Variants in COL8A1 observed in about 807,000 individuals in gnomAD.
COL8A1 encodes the protein collagen alpha-1(VIII) chain.
COL8A1 carries 21 observed loss-of-function variants against 42.7 expected under a neutral mutation model. That is an observed-to-expected ratio of 0.49 (90% CI 0.35 to 0.71). The LOEUF (loss-of-function observed/expected upper bound fraction) is 0.71, where lower values mean the gene tolerates loss of function less well. Among genes scored for constraint, COL8A1 ranks in the 30% least tolerant of loss-of-function variants. The pLI is 0.01. For missense variants in COL8A1, 788 were observed against 962.4 expected, an observed-to-expected ratio of 0.82 and a Z score of 2.40; for synonymous variants, 367 against 369.1, an observed-to-expected ratio of 0.99 and a Z score of 0.06.
At position 99,679,664 on chromosome 3, in the gene COL8A1, C is replaced by T. The variant is rs368305375; in HGVS notation, c.-129+41000C>T. On this transcript the variant is annotated intron_variant, in intron 1 of 3. Coordinates refer to ENST00000652472, the MANE Select transcript of COL8A1 (RefSeq NM_020351.4). ...TTAACCTCTCTAAGTTTGCTTGCCT[C>T]ATCTGTCAAACAAGAGAGATGAGAT... 3.9e-5 allele frequency: 6 copies of T among 152,300 alleles called. No individual in the cohort carries two copies. In the East Asian group the frequency reaches 1.2e-3, roughly 29 times the overall value. 9.4% of individuals were successfully genotyped at this position (152,300 alleles called of 1,614,324 possible).
At chr3:99,776,016 C>A (rs2107442849) in intron 2 of COL8A1, among the ~76,000 whole-genome samples, 1 of 152,262 alleles carries the variant, frequency 6.6e-6, no homozygotes, top group East Asian at 1.9e-4. Flanking sequence ...CACAGCAGAC[C>A]TATGGAGGAG....
At chr3:99,738,117 T>A (rs1940786864) in intron 1 of COL8A1, among the ~76,000 whole-genome samples, 1 of 152,154 alleles carries the variant, frequency 6.6e-6, no homozygotes, top group Non-Finnish European at 1.5e-5. Context: ...TATTCTAGTT[T>A]TACATTCTTC....
rs549069059 is a variant in COL8A1 at position 99,798,002 on chromosome 3, G to A, written c.*1866G>A. 2.0e-5 allele frequency: 3 copies of A among 152,196 alleles called. No homozygotes were observed. The highest frequency in any genetic ancestry group is 7.2e-5 in the African/African-American group (3 of 41,524). The allele number at this position is 152,196 out of a possible 1,614,324, so 9.4% of individuals were successfully genotyped here. ...AGCAATAATGTGGGGTTATGGTGGT[G>A]GAATCTTGTATATTTTTGTCAAAAA... On this transcript the variant is annotated 3_prime_UTR_variant, in exon 4 of 4. Coordinates refer to ENST00000652472, the MANE Select transcript of COL8A1 (RefSeq NM_020351.4).
In COL8A1 at chr3:99,788,183, G is replaced by A. The variant is rs1576477167; in HGVS notation, c.-3-2497G>A. Among the ~76,000 whole-genome samples, 3 of 152,200 alleles carry A rather than the reference G, an allele frequency of 2.0e-5. No homozygotes were observed. The South Asian group carries it at 6.2e-4, about 32-fold the overall frequency. ...TAAGTAAAGCAGTAAATTCTAACCA[G>A]GGCCCTTATATAAATATTCACGTTA... On this transcript the variant is annotated intron_variant, in intron 2 of 3. Coordinates refer to ENST00000652472, the MANE Select transcript of COL8A1 (RefSeq NM_020351.4).
intron 1 of COL8A1, among the ~76,000 whole-genome samples, chr3:99,645,901 G>A (rs1403862593): frequency 6.6e-6 from 1 of 152,144 alleles, no homozygotes; most frequent in African/African-American, 2.4e-5. Context: ...CCTGGCAGCT[G>A]GGGGTCAGTG....
At chr3:99,670,969 T>C (rs1381893424) in intron 1 of COL8A1, among the ~76,000 whole-genome samples, 1 of 151,912 alleles carries the variant, frequency 6.6e-6, no homozygotes, top group African/African-American at 2.4e-5. Flanking sequence ...TGTGTGTTTG[T>C]GTGTGTGAAT....
intron 1 of COL8A1, among the ~76,000 whole-genome samples, chr3:99,743,951 C>T (rs1360460050): frequency 3.5e-5 from 5 of 142,834 alleles, no homozygotes; most frequent in Non-Finnish European, 6.0e-5. Context: ...TTTTTTGAGA[C>T]GTAGTCTCAC....
At chr3:99,764,488 C>T (rs1305722556) in intron 2 of COL8A1, among the ~76,000 whole-genome samples, 2 of 152,068 alleles carry the variant, frequency 1.3e-5, no homozygotes, top group Admixed American at 1.3e-4. Flanking sequence ...ATTCAAAGTT[C>T]CCATTCAAAC....
At chr3:99,787,875 C>CA (rs1553682940) in intron 2 of COL8A1, among the ~76,000 whole-genome samples, 3,818 of 82,800 alleles carry the variant, frequency 0.046, 59 homozygotes, top group Non-Finnish European at 0.069. Context: ...CACACACACA[C>CA]CCACACCCAC....
chr3:99,733,975 C>T (rs528726987), intron 1 of COL8A1, among the ~76,000 whole-genome samples: 3,993 of 151,844 alleles, frequency 0.026, 166 homozygotes, highest in African/African-American at 0.088. Flanking sequence ...TCATGTCCTT[C>T]GCCCACTTTT....
Position 99,690,397 on chromosome 3 carries a change from G to C in COL8A1, c.-129+51733G>C, listed in dbSNP as rs190139309. 7.2e-5 allele frequency among the ~76,000 whole-genome samples: 11 copies of C among 152,268 alleles called. 1 individual carries two copies. The East Asian group carries it at 2.1e-3, about 29-fold the overall frequency. The stretch of plus-strand genomic sequence containing the variant: ...TAAGGAATGTATTTTGGGAAATCCT[G>C]ATCTATCTAGATTAGAAAAAATTTT... On this transcript the variant is annotated intron_variant, in intron 1 of 3. Coordinates refer to ENST00000652472, the MANE Select transcript of COL8A1 (RefSeq NM_020351.4).
intron 1 of COL8A1, among the ~76,000 whole-genome samples, chr3:99,686,339 A>C (rs1327140559): frequency 6.6e-6 from 1 of 152,250 alleles, no homozygotes; most frequent in Non-Finnish European, 1.5e-5. Flanking sequence ...AAGAAAAGAG[A>C]ACAATAAAGT....
intron 1 of COL8A1, among the ~76,000 whole-genome samples, chr3:99,714,440 G>A (rs1401058071): frequency 1.3e-5 from 2 of 152,086 alleles, no homozygotes; most frequent in African/African-American, 4.8e-5. Flanking sequence ...GACTCATGGA[G>A]CTCTTGATTT....
chr3:99,737,188 T>G (rs538405785), intron 1 of COL8A1, among the ~76,000 whole-genome samples: 2 of 152,234 alleles, frequency 1.3e-5, no homozygotes, highest in Non-Finnish European at 2.9e-5. Context: ...CTTTATCCAG[T>G]TTGCCAGTCT....
chr3:99,675,844 T>C (rs562506453), intron 1 of COL8A1: 1 of 152,506 alleles, frequency 6.6e-6, no homozygotes, highest in East Asian at 1.9e-4. Flanking sequence ...TACTCACACA[T>C]TAGTGTGAGC....
chr3:99,686,869 G>T lies in COL8A1; in HGVS notation c.-129+48205G>T, dbSNP rs568294094. ...TTTTGTTTGTTTGTTTTTGGGGGGGGTTCTGTTTGTTTGTTTTTGAGACAG... is the reference window on the plus strand; with the variant it reads ...TTTTGTTTGTTTGTTTTTGGGGGGGTTTCTGTTTGTTTGTTTTTGAGACAG... On this transcript the variant is annotated intron_variant, in intron 1 of 3. Transcript: ENST00000652472. 1.6e-3 allele frequency among the ~76,000 whole-genome samples: 250 copies of T among 152,006 alleles called. 3 individuals are homozygous for T. Among genetic ancestry groups the T allele is most frequent in the African/African-American group, 5.8e-3 (241 of 41,468 alleles).
chr3:99,781,223 T>G (rs999207353), intron 2 of COL8A1, among the ~76,000 whole-genome samples: 1 of 152,230 alleles, frequency 6.6e-6, no homozygotes, highest in Non-Finnish European at 1.5e-5. Flanking sequence ...TTAGTTCTTT[T>G]ATAATTCAGA....
intron 1 of COL8A1, among the ~76,000 whole-genome samples, chr3:99,664,211 A>C (rs1436489333): frequency 6.6e-6 from 1 of 152,236 alleles, no homozygotes; most frequent in Non-Finnish European, 1.5e-5. Flanking sequence ...TCTCAAGAGC[A>C]GGGACTTTGT....
intron 1 of COL8A1, among the ~76,000 whole-genome samples, chr3:99,669,638 C>T (rs1323641821): frequency 6.6e-6 from 1 of 151,882 alleles, no homozygotes; most frequent in Admixed American, 6.6e-5. Context: ...AATGAACTGC[C>T]TTTGTAGTAC....
Sources: gnomAD v4.1 joint callset for allele counts (sites outside exome capture counted in the v4.1 genomes callset) on GRCh38, gnomAD v4.1.1 for gene constraint, MANE v1.5 for transcripts, NCBI Gene and HGNC (gene_info 2026-07-23, HGNC 2026-07-21) for gene names.